The following ZBTB49 variants were observed in gnomAD, a reference collection of about 807,000 sequenced individuals.
ZBTB49 encodes the protein zinc finger and BTB domain containing 49, also known as zinc finger and BTB domain-containing protein 49.
ZBTB49 carries 43 observed loss-of-function variants against 57.5 expected under a neutral mutation model. The ratio of observed to expected loss-of-function variants is 0.75; its 90% CI spans 0.59 to 0.97. The LOEUF (loss-of-function observed/expected upper bound fraction) is 0.97, where lower values mean the gene tolerates loss of function less well. ZBTB49 is among the 50% of genes least tolerant of loss of function. The probability of loss-of-function intolerance (pLI) is 0.00; values close to 1 mark genes in which losing one functional copy is unlikely to be tolerated. For synonymous variants in ZBTB49, 369 were observed against 362.1 expected, an observed-to-expected ratio of 1.02 and a Z score of -0.22; for missense variants, 938 against 947.7, an observed-to-expected ratio of 0.99 and a Z score of 0.13.
At chr4:4,313,216 A>G in intron 5 of ZBTB49, 102 bp downstream of exon 5, 1 of 1,319,756 alleles carries the variant, frequency 7.6e-7, no homozygotes, top group Non-Finnish European at 1.1e-6. Context: ...GATGAGCCAC[A>G]GGTGGGCTCA....
At chr4:4,300,155 A>G (rs1169337765) in intron 2 of ZBTB49, 58 bp downstream of exon 2, 7 of 1,572,122 alleles carry the variant, frequency 4.5e-6, no homozygotes, top group South Asian at 1.1e-5. Context: ...CTCTTTTAGT[A>G]TGGAAGTATT....
In ZBTB49 at chr4:4,321,073, A is replaced by G. The variant is rs1462631960; in HGVS notation, c.2055A>G (p.Thr685=). Residue 685 remains threonine (T), a synonymous_variant, in exon 8 of 8, where the codon ACA becomes ACG. Coordinates refer to ENST00000337872, the MANE Select transcript of ZBTB49 (RefSeq NM_145291.4). ...GKLAKPQMQQ[T]QPQAYAYSDV... ...TTGCCAAGCCCCAGATGCAGCAGAC[A>G]CAGCCTCAGGCCTATGCTTACTCGG... The G allele has an allele frequency of 1.9e-6, 3 of 1,614,182 alleles. No homozygotes were observed. Among genetic ancestry groups the G allele is most frequent in the Admixed American group, 3.3e-5 (2 of 60,024 alleles).
At chr4:4,292,925 G>A (rs778072452) in intron 1 of ZBTB49, among the ~76,000 whole-genome samples, 1 of 152,040 alleles carries the variant, frequency 6.6e-6, no homozygotes, top group Non-Finnish European at 1.5e-5. Context: ...CATTCACATT[G>A]ATCTAAACTT....
intron 7 of ZBTB49, among the ~76,000 whole-genome samples, chr4:4,318,973 C>G (rs1201164033): frequency 1.3e-5 from 2 of 149,678 alleles, no homozygotes; most frequent in African/African-American, 4.9e-5. Flanking sequence ...TCACTGCAGC[C>G]TCGACCTCCT....
intron 4 of ZBTB49, among the ~76,000 whole-genome samples, chr4:4,307,678 C>T (rs1424712854): frequency 6.6e-6 from 1 of 152,064 alleles, no homozygotes; most frequent in African/African-American, 2.4e-5. Context: ...TTCTGAGGCA[C>T]CTCCCCGCCC....
intron 5 of ZBTB49, among the ~76,000 whole-genome samples, chr4:4,314,438 C>A (rs1013612637): frequency 5.9e-5 from 9 of 152,240 alleles, no homozygotes; most frequent in African/African-American, 2.2e-4. Flanking sequence ...GTGGCTGAAT[C>A]TCGGCTCACT....
At chr4:4,299,827 TGA>T in intron 1 of ZBTB49, 98 bp from the exon 2 acceptor site, 1 of 1,000,034 alleles carries the variant, frequency 1.0e-6, no homozygotes, top group Non-Finnish European at 1.5e-6. Context: ...GAAACTGTGA[TGA>T]GAGAGTGAAG....
At chr4:4,313,422 A>G (rs1326631780) in intron 5 of ZBTB49, among the ~76,000 whole-genome samples, 1 of 152,248 alleles carries the variant, frequency 6.6e-6, no homozygotes, top group Non-Finnish European at 1.5e-5. Flanking sequence ...CTCTGAAAAT[A>G]TAATAGATTA....
At chr4:4,295,364 C>G (rs1221467077) in intron 1 of ZBTB49, among the ~76,000 whole-genome samples, 1 of 152,146 alleles carries the variant, frequency 6.6e-6, no homozygotes. Flanking sequence ...AACTCACTCA[C>G]TATCACAAGA....
chr4:4,302,363 A>C lies in ZBTB49; in HGVS notation c.527A>C (p.His176Pro), dbSNP rs1257400283. The change falls in exon 3 of 8, where the codon CAT becomes CCT. Residue 176 changes from histidine (H) to proline (P), a missense_variant. His to Pro is a moderately conservative substitution (Grantham distance 77, BLOSUM62 -2). Coordinates refer to ENST00000337872, the MANE Select transcript of ZBTB49 (RefSeq NM_145291.4). Reference sequence around the variant, plus strand: ...AAAACGTTGGATGAATCGCATCCGCATGCTTCACCATCAGTTAATCGTCAT... The same window carrying C: ...AAAACGTTGGATGAATCGCATCCGCCTGCTTCACCATCAGTTAATCGTCAT... ...QNKTLDESHP[H>P]ASPSVNRHHS... 2.5e-6 allele frequency: 4 copies of C among 1,614,136 alleles called. No homozygotes were observed. In the Admixed American group the frequency reaches 6.7e-5, roughly 27 times the overall value.
chr4:4,296,480 A>AG (rs1421605337), intron 1 of ZBTB49, among the ~76,000 whole-genome samples: 3 of 152,180 alleles, frequency 2.0e-5, no homozygotes, highest in African/African-American at 4.8e-5. Flanking sequence ...TCCCTGCACA[A>AG]GCGCTCTCTT....
chr4:4,314,619 G>A (rs1053593220), intron 5 of ZBTB49, among the ~76,000 whole-genome samples: 9 of 152,308 alleles, frequency 5.9e-5, no homozygotes, highest in Middle Eastern at 3.4e-3. Context: ...TGATACACCC[G>A]CCTCTGCCTC....
Position 4,315,662 on chromosome 4 carries a change from G to C in ZBTB49, c.1403G>C (p.Arg468Pro). 1.2e-6 allele frequency: 2 copies of C among 1,614,184 alleles called. No homozygotes were observed. Among genetic ancestry groups the C allele is most frequent in the Non-Finnish European group, 1.7e-6 (2 of 1,180,014 alleles). ...TTTGCAGCCTCTGGCGACGTCCAGC[G>C]TCACATTATTATTCACTCAGGAGAA... ...KRFAASGDVQ[R>P]HIIIHSGEKP... Residue 468 changes from arginine (R) to proline (P), a missense_variant, in exon 6 of 8, where the codon CGT becomes CCT. Arg to Pro is a moderately radical substitution (Grantham distance 103). This residue lies in a region of ZBTB49 where 835 missense variants were observed against 819.1 expected (regional missense o/e 1.02). Coordinates refer to ENST00000337872, the MANE Select transcript of ZBTB49 (RefSeq NM_145291.4).
chr4:4,313,326 C>T (rs1408172014), intron 5 of ZBTB49, among the ~76,000 whole-genome samples: 1 of 152,194 alleles, frequency 6.6e-6, no homozygotes, highest in Non-Finnish European at 1.5e-5. Context: ...GAAAGAAAAG[C>T]TGGGACAGGA....
intron 1 of ZBTB49, among the ~76,000 whole-genome samples, chr4:4,298,943 C>T (rs1220512968): frequency 6.6e-6 from 1 of 152,196 alleles, no homozygotes; most frequent in East Asian, 1.9e-4. Context: ...ATTTCAGCTG[C>T]ATGAGAGTGG....
At position 4,321,394 on chromosome 4, in the gene ZBTB49, C is replaced by T. The variant is rs929821599; in HGVS notation, c.*78C>T. ...TTAAGGCTGTAGGAGGACCCAGTTT[C>T]CCCATGACAGTGCCTTCTAACTAGC... On this transcript the variant is annotated 3_prime_UTR_variant, in exon 8 of 8. Transcript: ENST00000337872. 3.9e-5 allele frequency: 57 copies of T among 1,462,140 alleles called. No homozygotes were observed. Among genetic ancestry groups the T allele is most frequent in the Middle Eastern group, 1.9e-4 (1 of 5,210 alleles). The allele number at this position is 1,462,140 out of a possible 1,614,324, so 90.6% of individuals were successfully genotyped here.
intron 1 of ZBTB49, among the ~76,000 whole-genome samples, chr4:4,297,005 C>G (rs1029827733): frequency 3.3e-5 from 5 of 152,168 alleles, no homozygotes; most frequent in African/African-American, 1.2e-4. Context: ...AAATTTGGAA[C>G]TGAGAAAAAT....
intron 3 of ZBTB49, among the ~76,000 whole-genome samples, chr4:4,304,723 A>G (rs1201029905): frequency 6.6e-6 from 1 of 151,882 alleles, no homozygotes; most frequent in Non-Finnish European, 1.5e-5. Flanking sequence ...GGCCAACACT[A>G]TTTTCAAAAT....
In ZBTB49 at chr4:4,301,886, A is replaced by G. The variant is rs1720486657; in HGVS notation, c.153-103A>G. 3.4e-6 allele frequency: 4 copies of G among 1,168,952 alleles called. No individual in the cohort carries two copies. The African/African-American group carries it at 4.8e-5, about 14-fold the overall frequency. 72.4% of individuals were successfully genotyped at this position (1,168,952 alleles called of 1,614,324 possible). On this transcript the variant is annotated intron_variant, in intron 2 of 7. Coordinates refer to ENST00000337872, the MANE Select transcript of ZBTB49 (RefSeq NM_145291.4). ...ACTTATGTTAAAAGTTTTGACATTC[A>G]CAGAAGGATAGTATTTTTTAATATT...
Sources: allele counts gnomAD v4.1 joint callset (sites outside exome capture counted in the v4.1 genomes callset), GRCh38; gene constraint gnomAD v4.1.1; regional missense constraint gnomAD v4.1.1; transcripts MANE v1.5; gene names NCBI Gene and HGNC (gene_info 2026-07-23, HGNC 2026-07-21).